Variants in MYO1D observed in about 807,000 individuals in gnomAD.
The protein encoded by MYO1D is unconventional myosin-Id.
A neutral mutation model predicts 122.0 loss-of-function variants in MYO1D; 83 were observed. That is an observed-to-expected ratio of 0.68 (90% CI 0.57 to 0.82). MYO1D has a LOEUF of 0.82. Among genes scored for constraint, MYO1D ranks in the 40% least tolerant of loss-of-function variants. MYO1D has a pLI of 0.00. For synonymous variants in MYO1D, 464 were observed against 446.9 expected (o/e 1.04, Z -0.48); for missense variants, 1,157 against 1,269.5 (o/e 0.91, Z 1.35).
At chr17:32,679,220 T>A (rs2088870020) in intron 16 of MYO1D, among the ~76,000 whole-genome samples, 1 of 149,962 alleles carries the variant, frequency 6.7e-6, no homozygotes, top group Admixed American at 6.6e-5. Context: ...GCCTGTTCAC[T>A]CTGATGGTAG....
intron 17 of MYO1D, among the ~76,000 whole-genome samples, chr17:32,655,288 G>GTA (rs2088460175): frequency 6.6e-6 from 1 of 152,168 alleles, no homozygotes; most frequent in African/African-American, 2.4e-5. Context: ...TAGGCAGTGG[G>GTA]GGCACAGTAA....
chr17:32,694,655 TGCGCCACTGCAGTCC>T (rs1362533511), intron 16 of MYO1D, among the ~76,000 whole-genome samples: 1 of 131,442 alleles, frequency 7.6e-6, no homozygotes, highest in Non-Finnish European at 1.5e-5. Flanking sequence ...GAGCCGAGAT[TGCGCCACTGCAGTCC>T]GCAGTCCGGC....
At chr17:32,860,357 A>G (rs1228420339) in intron 1 of MYO1D, among the ~76,000 whole-genome samples, 1 of 152,198 alleles carries the variant, frequency 6.6e-6, no homozygotes, top group Non-Finnish European at 1.5e-5. Context: ...TGACTGATAT[A>G]GAGTGAAGCT....
chr17:32,764,806 A>T (rs2090038058), intron 8 of MYO1D, 72 bp downstream of exon 8: 1 of 1,472,480 alleles, frequency 6.8e-7, no homozygotes, highest in Non-Finnish European at 9.5e-7. Flanking sequence ...GTCTGAATAC[A>T]TGCTCACAGG....
intron 12 of MYO1D, among the ~76,000 whole-genome samples, chr17:32,746,216 C>A (rs1271451068): frequency 6.6e-6 from 1 of 152,164 alleles, no homozygotes; most frequent in Non-Finnish European, 1.5e-5. Flanking sequence ...ATTTCCTTGC[C>A]TGCCCCGACC....
chr17:32,544,382 T>C (rs2086946780), intron 21 of MYO1D, among the ~76,000 whole-genome samples: 2 of 152,318 alleles, frequency 1.3e-5, no homozygotes, highest in Non-Finnish European at 2.9e-5. Flanking sequence ...ATTACAGGCA[T>C]GAGCCACTGT....
intron 16 of MYO1D, among the ~76,000 whole-genome samples, chr17:32,667,079 G>C (rs1038261767): frequency 6.6e-6 from 1 of 152,196 alleles, no homozygotes; most frequent in Admixed American, 6.5e-5. Flanking sequence ...AAAAGTTGTG[G>C]TAGAGGAGGG....
intron 21 of MYO1D, chr17:32,495,766 C>G (rs574438559): frequency 1.3e-5 from 2 of 152,446 alleles, no homozygotes; most frequent in Non-Finnish European, 2.9e-5. Context: ...CGCTGTACCT[C>G]AGCTTGTGCC....
intron 21 of MYO1D, among the ~76,000 whole-genome samples, chr17:32,534,143 T>G (rs190551844): frequency 2.0e-4 from 30 of 152,290 alleles, no homozygotes; most frequent in African/African-American, 6.5e-4. Flanking sequence ...CCATATGCAA[T>G]AATTACTTTT....
chr17:32,822,762 C>T (rs2090684667), intron 1 of MYO1D, among the ~76,000 whole-genome samples: 1 of 151,444 alleles, frequency 6.6e-6, no homozygotes, highest in Admixed American at 6.6e-5. Flanking sequence ...CGGCGAGGCC[C>T]GGGGCGTCCC....
chr17:32,751,221 A>G (rs771634595), intron 11 of MYO1D, among the ~76,000 whole-genome samples: 1 of 152,198 alleles, frequency 6.6e-6, no homozygotes, highest in Non-Finnish European at 1.5e-5. Flanking sequence ...CCTAAATGAA[A>G]TAACTGTCAC....
intron 15 of MYO1D, among the ~76,000 whole-genome samples, chr17:32,716,258 T>G (rs1290157854): frequency 6.6e-6 from 1 of 152,216 alleles, no homozygotes; most frequent in Non-Finnish European, 1.5e-5. Context: ...TCTTGATCTT[T>G]GTATATCAAC....
At chr17:32,513,055 C>T (rs1395874270) in intron 21 of MYO1D, 11 of 152,228 alleles carry the variant, frequency 7.2e-5, no homozygotes, top group Non-Finnish European at 8.8e-5. Flanking sequence ...GGTTAACTGT[C>T]CGTCTCCTAT....
chr17:32,710,666 A>T (rs187508931), intron 16 of MYO1D, among the ~76,000 whole-genome samples: 26 of 152,360 alleles, frequency 1.7e-4, no homozygotes, highest in Admixed American at 1.5e-3. Context: ...ACAGAATAGG[A>T]GAATATATAA....
chr17:32,518,540 A>G (rs1198492558), intron 21 of MYO1D: 1 of 152,308 alleles, frequency 6.6e-6, no homozygotes, highest in Non-Finnish European at 1.5e-5. Context: ...AAGCATTTAG[A>G]GGGAAAGCGT....
At chr17:32,693,986 G>T (rs1321671998) in intron 16 of MYO1D, among the ~76,000 whole-genome samples, 1 of 152,106 alleles carries the variant, frequency 6.6e-6, no homozygotes. Flanking sequence ...ATACTAAATG[G>T]ACCAGTTATA....
At chr17:32,835,246 C>T (rs1331810794) in intron 1 of MYO1D, among the ~76,000 whole-genome samples, 1 of 151,738 alleles carries the variant, frequency 6.6e-6, no homozygotes, top group East Asian at 1.9e-4. Flanking sequence ...CCCATTAATC[C>T]ATTATTCAAT....
chr17:32,602,695 C>T (rs2087576233), intron 21 of MYO1D: 1 of 152,174 alleles, frequency 6.6e-6, no homozygotes, highest in Admixed American at 6.5e-5. Context: ...TTCCTCCCAA[C>T]TGCTGACAAG....
chr17:32,819,250 G>C (rs966776952), intron 1 of MYO1D, among the ~76,000 whole-genome samples: 5 of 151,998 alleles, frequency 3.3e-5, no homozygotes, highest in African/African-American at 7.3e-5. Flanking sequence ...TGCAAGAAGG[G>C]AGGCTATGCT....
Sources: gnomAD v4.1 joint callset for allele counts (sites outside exome capture counted in the v4.1 genomes callset) on GRCh38, gnomAD v4.1.1 for gene constraint, MANE v1.5 for transcripts, NCBI Gene and HGNC (gene_info 2026-07-23, HGNC 2026-07-21) for gene names.